The following ARHGAP15 variants were observed in gnomAD, a reference collection of about 807,000 sequenced individuals.
ARHGAP15 encodes the protein Rho GTPase activating protein 15, also known as rho GTPase-activating protein 15.
A neutral mutation model predicts 63.7 loss-of-function variants in ARHGAP15; 51 were observed. That is an observed-to-expected ratio of 0.80 (90% CI 0.64 to 1.01). The LOEUF is 1.01. ARHGAP15 is among the 50% of genes least tolerant of loss of function. The pLI, the probability that ARHGAP15 is intolerant of heterozygous loss-of-function variation, is 0.00. For missense variants in ARHGAP15, 560 were observed against 564.6 expected (o/e 0.99, Z 0.08); for synonymous variants, 191 against 193.8 (o/e 0.99, Z 0.12).
At chr2:143,710,547 G>A (rs1350402993) in intron 13 of ARHGAP15, among the ~76,000 whole-genome samples, 1 of 152,190 alleles carries the variant, frequency 6.6e-6, no homozygotes, top group Non-Finnish European at 1.5e-5. Flanking sequence ...TAAGACGGGA[G>A]TGAAATTATT....
intron 2 of ARHGAP15, among the ~76,000 whole-genome samples, chr2:143,192,342 G>A (rs969385833): frequency 6.6e-6 from 1 of 152,210 alleles, no homozygotes; most frequent in Non-Finnish European, 1.5e-5. Flanking sequence ...TATTCAGAGA[G>A]AAAGATCATG....
chr2:143,314,004 C>T (rs2105198320), intron 6 of ARHGAP15, among the ~76,000 whole-genome samples: 1 of 151,116 alleles, frequency 6.6e-6, no homozygotes, highest in East Asian at 1.9e-4. Flanking sequence ...TAGCCTCCAG[C>T]CTCCTTGTAA....
intron 10 of ARHGAP15, among the ~76,000 whole-genome samples, chr2:143,543,778 A>C (rs910228159): frequency 6.6e-6 from 1 of 152,156 alleles, no homozygotes; most frequent in African/African-American, 2.4e-5. Context: ...CTAGTGCTAG[A>C]TGAGTTTAAA....
At chr2:143,222,499 C>T (rs1320980088) in intron 4 of ARHGAP15, among the ~76,000 whole-genome samples, 1 of 152,148 alleles carries the variant, frequency 6.6e-6, no homozygotes, top group South Asian at 2.1e-4. Flanking sequence ...GTGTTAAACC[C>T]GGAGTTTAAG....
At chr2:143,598,418 G>A (rs1697613264) in intron 11 of ARHGAP15, among the ~76,000 whole-genome samples, 1 of 152,144 alleles carries the variant, frequency 6.6e-6, no homozygotes, top group African/African-American at 2.4e-5. Flanking sequence ...TGAAATACAC[G>A]TGTTAAAATT....
intron 13 of ARHGAP15, among the ~76,000 whole-genome samples, chr2:143,732,777 A>C (rs1290934874): frequency 6.6e-6 from 1 of 152,104 alleles, no homozygotes; most frequent in Non-Finnish European, 1.5e-5. Context: ...TTTATCTTTA[A>C]ATACCCCATA....
intron 11 of ARHGAP15, 92 bp from the exon 12 acceptor site, chr2:143,624,041 T>G: frequency 6.8e-7 from 1 of 1,476,414 alleles, no homozygotes; most frequent in Non-Finnish European, 9.3e-7. Flanking sequence ...TAACGGTTGC[T>G]GATGATAGTA....
At chr2:143,756,830 T>A (rs1686595284) in intron 13 of ARHGAP15, among the ~76,000 whole-genome samples, 1 of 152,204 alleles carries the variant, frequency 6.6e-6, no homozygotes, top group South Asian at 2.1e-4. Context: ...GGATGTGAAT[T>A]AGGTGATTAA....
intron 6 of ARHGAP15, among the ~76,000 whole-genome samples, chr2:143,360,648 C>T (rs1686008294): frequency 6.6e-6 from 1 of 152,114 alleles, no homozygotes; most frequent in African/African-American, 2.4e-5. Flanking sequence ...GTATTTATAT[C>T]TCTGGACCTT....
At chr2:143,153,431 T>C in intron 1 of ARHGAP15, among the ~76,000 whole-genome samples, 1 of 151,994 alleles carries the variant, frequency 6.6e-6, no homozygotes, top group East Asian at 1.9e-4. Flanking sequence ...TAATTTTGAA[T>C]AATACATTAC....
At chr2:143,705,390 A>T (rs189808175) in intron 13 of ARHGAP15, among the ~76,000 whole-genome samples, 15 of 152,302 alleles carry the variant, frequency 9.8e-5, no homozygotes, top group Admixed American at 9.2e-4. Context: ...CCTAGAGTCA[A>T]ATCCTTGCTC....
chr2:143,205,230 T>C (rs1692282822), intron 3 of ARHGAP15, among the ~76,000 whole-genome samples: 1 of 145,392 alleles, frequency 6.9e-6, no homozygotes, highest in South Asian at 2.2e-4. Context: ...GAGGTTGCAG[T>C]GAGCCAAGAT....
chr2:143,731,753 C>A (rs1308657298), intron 13 of ARHGAP15, among the ~76,000 whole-genome samples: 1 of 152,176 alleles, frequency 6.6e-6, no homozygotes, highest in Admixed American at 6.5e-5. Context: ...TTGATTCTTG[C>A]AGAATAGCAC....
intron 6 of ARHGAP15, among the ~76,000 whole-genome samples, chr2:143,381,581 C>G (rs1328042844): frequency 6.6e-6 from 1 of 152,166 alleles, no homozygotes; most frequent in Admixed American, 6.5e-5. Context: ...CCTCTACTTC[C>G]TGCACACTTC....
At chr2:143,376,050 G>A (rs910222853) in intron 6 of ARHGAP15, among the ~76,000 whole-genome samples, 2 of 152,152 alleles carry the variant, frequency 1.3e-5, no homozygotes, top group Admixed American at 6.6e-5. Flanking sequence ...TTCAACTTCC[G>A]CGTTTCCCAT....
At position 143,696,079 on chromosome 2, in the gene ARHGAP15, C is replaced by T. The variant is rs1352970321; in HGVS notation, c.1139-7340C>T. On this transcript the variant is annotated intron_variant, in intron 12 of 13. Transcript: ENST00000295095. ...AATTGATTAAATAGAATTTTACACT[C>T]GTTGATTTGTATCAATTACACATCT... Among the ~76,000 whole-genome samples the T allele has an allele frequency of 2.0e-5, 3 of 152,052 alleles. No individual in the cohort carries two copies. In the South Asian group the frequency reaches 6.2e-4, roughly 31 times the overall value.
At position 143,272,861 on chromosome 2, in the gene ARHGAP15, G is replaced by A. The variant is rs527938775; in HGVS notation, c.474+22261G>A. 4.6e-5 allele frequency among the ~76,000 whole-genome samples: 7 copies of A among 152,190 alleles called. No individual in the cohort carries two copies. The South Asian group carries it at 1.5e-3, about 32-fold the overall frequency. ...CAAATAGGTACTTGACCACCAGGTC[G>A]ATCCAGAATCTTGCTTTTTAATTGG... On this transcript the variant is annotated intron_variant, in intron 6 of 13. Coordinates refer to ENST00000295095, the MANE Select transcript of ARHGAP15 (RefSeq NM_018460.4).
rs1308482792 is a variant in ARHGAP15, at chr2:143,591,885, G to A, written c.1004-32248G>A. ...TCCGCCTGCCTCAGCCTCCCAAAGTGCTGGGATTAGAGGTGTGAGCCACTG... is the reference window on the plus strand; with the variant it reads ...TCCGCCTGCCTCAGCCTCCCAAAGTACTGGGATTAGAGGTGTGAGCCACTG... On this transcript the variant is annotated intron_variant, in intron 11 of 13. Coordinates refer to ENST00000295095, the MANE Select transcript of ARHGAP15 (RefSeq NM_018460.4). 2.6e-5 allele frequency among the ~76,000 whole-genome samples: 4 copies of A among 152,092 alleles called. No homozygotes were observed. The East Asian group carries it at 5.8e-4, about 22-fold the overall frequency.
chr2:143,327,798 C>G (rs771383144), intron 6 of ARHGAP15, among the ~76,000 whole-genome samples: 1 of 152,070 alleles, frequency 6.6e-6, no homozygotes, highest in Non-Finnish European at 1.5e-5. Context: ...AAGAAACTAT[C>G]GTCAGAGTGA....
Sources: gnomAD v4.1 joint callset for allele counts (sites outside exome capture counted in the v4.1 genomes callset) on GRCh38, gnomAD v4.1.1 for gene constraint, MANE v1.5 for transcripts, NCBI Gene and HGNC (gene_info 2026-07-23, HGNC 2026-07-21) for gene names.